Variants in ESR1 observed in about 807,000 individuals in gnomAD.
ESR1 encodes the protein estrogen receptor 1, also known as estrogen receptor.
ESR1 carries 12 observed loss-of-function variants against 52.7 expected under a neutral mutation model. That is an observed-to-expected ratio of 0.23 (90% CI 0.15 to 0.37). The LOEUF (loss-of-function observed/expected upper bound fraction) is 0.37. Among genes scored for constraint, ESR1 ranks in the 10% least tolerant of loss-of-function variants. The probability of loss-of-function intolerance (pLI) is 1.00; values close to 1 mark genes in which losing one functional copy is unlikely to be tolerated. For missense variants in ESR1, 584 were observed against 779.7 expected, an observed-to-expected ratio of 0.75 and a Z score of 2.99; for synonymous variants, 305 against 316.8, an observed-to-expected ratio of 0.96 and a Z score of 0.39.
intron 1 of ESR1, among the ~76,000 whole-genome samples, chr6:151,696,265 G>A (rs920539381): frequency 6.6e-6 from 1 of 152,024 alleles, no homozygotes; most frequent in Non-Finnish European, 1.5e-5. Context: ...GAGGCCAGGA[G>A]TTTGAGACCA....
chr6:151,667,573 G>T (rs1296018314), intron 1 of ESR1, among the ~76,000 whole-genome samples: 1 of 152,192 alleles, frequency 6.6e-6, no homozygotes, highest in Non-Finnish European at 1.5e-5. Flanking sequence ...AACTCAAGAA[G>T]ACAGGGATGT....
chr6:151,948,052 C>T (rs929069454), intron 4 of ESR1, among the ~76,000 whole-genome samples: 1 of 151,980 alleles, frequency 6.6e-6, no homozygotes, highest in Non-Finnish European at 1.5e-5. Flanking sequence ...TTATTTTACA[C>T]ATGGTGAAAC....
At chr6:151,800,095 G>A (rs1777088558), upstream of ESR1, among the ~76,000 whole-genome samples, 1 of 152,186 alleles carries the variant, frequency 6.6e-6, no homozygotes, top group South Asian at 2.1e-4. Context: ...TGTCTAATAG[G>A]TACCTGGCAA....
intron 1 of ESR1, among the ~76,000 whole-genome samples, chr6:151,659,031 G>A (rs1777548147): frequency 6.6e-6 from 1 of 152,184 alleles, no homozygotes; most frequent in Non-Finnish European, 1.5e-5. Flanking sequence ...GTTTGTTTTT[G>A]AGATGGAGTT....
At chr6:151,980,990 C>T (rs1486997024) in intron 4 of ESR1, among the ~76,000 whole-genome samples, 1 of 152,184 alleles carries the variant, frequency 6.6e-6, no homozygotes, top group Middle Eastern at 3.2e-3. Flanking sequence ...GCATAAGCCA[C>T]CACGCCCAGT....
chr6:152,054,466 C>T (rs559069960), intron 5 of ESR1, among the ~76,000 whole-genome samples: 15 of 152,050 alleles, frequency 9.9e-5, no homozygotes, highest in African/African-American at 3.4e-4. Context: ...TCTTCTCTCC[C>T]CCTCCTCCTA....
chr6:151,857,420 C>T (rs1186988840), intron 2 of ESR1, among the ~76,000 whole-genome samples: 5 of 151,888 alleles, frequency 3.3e-5, no homozygotes, highest in Non-Finnish European at 7.4e-5. Flanking sequence ...ACAAATCCCC[C>T]ACAGATCCTG....
chr6:151,741,803 G>A (rs957042167), intron 2 of ESR1, among the ~76,000 whole-genome samples: 7 of 152,058 alleles, frequency 4.6e-5, no homozygotes, highest in African/African-American at 1.2e-4. Flanking sequence ...TAAAATCTAC[G>A]CATGGAGCAA....
At chr6:151,836,051 C>G (rs1225092177) in intron 1 of ESR1, among the ~76,000 whole-genome samples, 2 of 152,014 alleles carry the variant, frequency 1.3e-5, no homozygotes, top group Non-Finnish European at 2.9e-5. Context: ...TGATTGGAGG[C>G]AGGAGAGTAA....
chr6:151,678,291 G>A (rs976208395), intron 1 of ESR1, among the ~76,000 whole-genome samples: 3 of 152,012 alleles, frequency 2.0e-5, no homozygotes, highest in Non-Finnish European at 4.4e-5. Flanking sequence ...GGGCCAACAT[G>A]GTGAAACCCT....
chr6:151,899,349 G>GCTGACCCCC (rs1211915809), intron 3 of ESR1, among the ~76,000 whole-genome samples: 3 of 122,366 alleles, frequency 2.5e-5, no homozygotes, highest in Non-Finnish European at 5.0e-5. Context: ...CAGGCGGGGG[G>GCTGACCCCC]CTGACCCCCC....
rs2035470147 is a variant in ESR1, at chr6:151,944,480, C to T, written c.1068C>T (p.His356=). ...ACCTGGCAGACAGGGAGCTGGTTCA[C>T]ATGATCAACTGGGCGAAGAGGGTGC... ...LTNLADRELV[H]MINWAKRVPG... The change falls in exon 4 of 8, where the codon CAC becomes CAT. Residue 356 remains histidine, a synonymous_variant. Transcript: ENST00000206249. 2.5e-6 allele frequency: 4 copies of T among 1,614,202 alleles called. No homozygotes were observed. In the African/African-American group the frequency reaches 4.0e-5, roughly 16 times the overall value.
chr6:151,750,024 G>C, intron 2 of ESR1, among the ~76,000 whole-genome samples: 1 of 152,282 alleles, frequency 6.6e-6, no homozygotes, highest in East Asian at 1.9e-4. Flanking sequence ...GAATGAGGGA[G>C]GGAGACATGA....
At chr6:151,736,970 A>G (rs1782727016) in intron 2 of ESR1, among the ~76,000 whole-genome samples, 1 of 152,212 alleles carries the variant, frequency 6.6e-6, no homozygotes, top group Admixed American at 6.5e-5. Context: ...ATTCAAAGGT[A>G]TCTGTTAAAA....
At chr6:152,056,542 G>A (rs1174456237) in intron 5 of ESR1, among the ~76,000 whole-genome samples, 2 of 152,184 alleles carry the variant, frequency 1.3e-5, no homozygotes, top group Non-Finnish European at 2.9e-5. Context: ...TACATGTGGA[G>A]GAAGAGATGC....
At chr6:151,883,821 C>T (rs1356420555) in intron 3 of ESR1, among the ~76,000 whole-genome samples, 1 of 152,118 alleles carries the variant, frequency 6.6e-6, no homozygotes, top group Admixed American at 6.5e-5. Flanking sequence ...TGGCTGCCTT[C>T]TCTCTGTGTC....
chr6:152,087,363 A>G (rs1435127288), intron 6 of ESR1, among the ~76,000 whole-genome samples: 1 of 152,226 alleles, frequency 6.6e-6, no homozygotes, highest in African/African-American at 2.4e-5. Flanking sequence ...TCCTCTTTAT[A>G]CAAACGTATT....
At chr6:152,004,474 T>C (rs1463733491) in intron 4 of ESR1, among the ~76,000 whole-genome samples, 3 of 151,986 alleles carry the variant, frequency 2.0e-5, no homozygotes, top group African/African-American at 4.8e-5. Context: ...TTCTTTGCCA[T>C]GTAGTTTATA....
intron 6 of ESR1, among the ~76,000 whole-genome samples, chr6:152,065,131 T>TA (rs921299163): frequency 6.6e-6 from 1 of 151,884 alleles, no homozygotes; most frequent in Non-Finnish European, 1.5e-5. Context: ...AGGCTTACAA[T>TA]AAAAAAAAGT....
Sources: allele counts gnomAD v4.1 joint callset (sites outside exome capture counted in the v4.1 genomes callset), GRCh38; gene constraint gnomAD v4.1.1; transcripts MANE v1.5; gene names NCBI Gene and HGNC (gene_info 2026-07-23, HGNC 2026-07-21).